Variants in CES5A observed in about 807,000 individuals in gnomAD.
CES5A encodes carboxylesterase 5A.
CES5A carries 67 observed loss-of-function variants against 62.9 expected under a neutral mutation model. That is an observed-to-expected ratio of 1.07 (90% CI 0.88 to 1.31). CES5A has a LOEUF of 1.31. Ranked by LOEUF, CES5A falls within the 50% of genes most tolerant of loss-of-function variation. The pLI, the probability that CES5A is intolerant of heterozygous loss-of-function variation, is 0.00. For synonymous variants in CES5A, 296 were observed against 280.8 expected, an observed-to-expected ratio of 1.05 and a Z score of -0.54; for missense variants, 748 against 708.5, an observed-to-expected ratio of 1.06 and a Z score of -0.63.
At chr16:55,912,474 A>G (rs891460863) in intron 1 of CES5A, among the ~76,000 whole-genome samples, 3 of 152,090 alleles carry the variant, frequency 2.0e-5, no homozygotes, top group Non-Finnish European at 4.4e-5. Context: ...GAAAGTTGTC[A>G]TGGAGGAGAA....
chr16:55,941,141 C>T (rs535840318), intron 2 of CES5A, among the ~76,000 whole-genome samples: 1 of 152,002 alleles, frequency 6.6e-6, no homozygotes, highest in Admixed American at 6.6e-5. Context: ...ACAGGAAGTC[C>T]TAGCTATTTG....
chr16:55,855,582 C>T (rs564049763), intron 9 of CES5A, among the ~76,000 whole-genome samples: 1 of 152,150 alleles, frequency 6.6e-6, no homozygotes, highest in Non-Finnish European at 1.5e-5. Context: ...ACCTATGCTG[C>T]GTGTTATGAC....
At chr16:55,906,421 C>A (rs1289830375) in intron 1 of CES5A, among the ~76,000 whole-genome samples, 1 of 152,166 alleles carries the variant, frequency 6.6e-6, no homozygotes, top group African/African-American at 2.4e-5. Context: ...CACAGAGGAG[C>A]CAAGCCAGGG....
chr16:55,870,146 G>A (rs144289123), intron 3 of CES5A, among the ~76,000 whole-genome samples: 6 of 152,272 alleles, frequency 3.9e-5, no homozygotes, highest in Non-Finnish European at 8.8e-5. Flanking sequence ...CTAAATACCA[G>A]TGAGCCTGTG....
intron 4 of CES5A, among the ~76,000 whole-genome samples, chr16:55,866,572 C>T (rs1165353512): frequency 1.3e-5 from 2 of 150,732 alleles, no homozygotes; most frequent in African/African-American, 4.9e-5. Context: ...CCTGTAATCC[C>T]AGCACTTTGG....
At chr16:55,929,493 C>T (rs2034288699), upstream of CES5A, among the ~76,000 whole-genome samples, 1 of 152,158 alleles carries the variant, frequency 6.6e-6, no homozygotes, top group African/African-American at 2.4e-5. Flanking sequence ...TCCACACTGG[C>T]CCCTCTGCGC....
intron 10 of CES5A, among the ~76,000 whole-genome samples, 195 bp downstream of exon 10, chr16:55,852,686 C>A (rs1319451306): frequency 6.6e-6 from 1 of 152,194 alleles, no homozygotes; most frequent in Non-Finnish European, 1.5e-5. Flanking sequence ...AACAACTGAT[C>A]AACATCCCCA....
At chr16:55,899,317 G>A (rs2033965919) in intron 1 of CES5A, among the ~76,000 whole-genome samples, 1 of 152,162 alleles carries the variant, frequency 6.6e-6, no homozygotes, top group East Asian at 1.9e-4. Context: ...AGGCTTCCTG[G>A]ATAAGGTTTC....
intron 1 of CES5A, among the ~76,000 whole-genome samples, chr16:55,874,532 T>C (rs956267189): frequency 1.3e-5 from 2 of 152,158 alleles, no homozygotes; most frequent in Admixed American, 6.5e-5. Context: ...AAATTTTACC[T>C]AGAAGAATTC....
At chr16:55,878,474 T>G (rs2033721498), upstream of CES5A, among the ~76,000 whole-genome samples, 2 of 151,934 alleles carry the variant, frequency 1.3e-5, no homozygotes, top group Admixed American at 1.3e-4. Context: ...ACATTCATAT[T>G]AAACCCAAAC....
chr16:55,903,913 C>A (rs901384544), intron 1 of CES5A, among the ~76,000 whole-genome samples: 3 of 152,184 alleles, frequency 2.0e-5, no homozygotes, highest in Non-Finnish European at 4.4e-5. Context: ...GAAATATTTA[C>A]AACCAGATGG....
At chr16:55,954,003 T>G (rs2142490492) in intron 1 of CES5A, among the ~76,000 whole-genome samples, 1 of 152,318 alleles carries the variant, frequency 6.6e-6, no homozygotes, top group Admixed American at 6.5e-5. Context: ...TTTAACTATA[T>G]TTTTGCACCC....
At chr16:55,887,382 C>CAAAAAA (rs202239600) in intron 1 of CES5A, among the ~76,000 whole-genome samples, 1 of 91,232 alleles carries the variant, frequency 1.1e-5, no homozygotes, top group Non-Finnish European at 2.1e-5. Flanking sequence ...GGACCAGAGG[C>CAAAAAA]AAAAAAAAAA....
At chr16:55,921,256 G>C (rs1383895983) in intron 1 of CES5A, among the ~76,000 whole-genome samples, 1 of 152,050 alleles carries the variant, frequency 6.6e-6, no homozygotes, top group Non-Finnish European at 1.5e-5. Flanking sequence ...CTAGGTATAG[G>C]AAGATCAGAG....
chr16:55,854,698 A>AT (rs1166934258), intron 9 of CES5A, among the ~76,000 whole-genome samples: 1 of 149,322 alleles, frequency 6.7e-6, no homozygotes, highest in Non-Finnish European at 1.5e-5. Context: ...GGCCTGGCTA[A>AT]TTTTTTTATT....
At position 55,846,604 on chromosome 16, in the gene CES5A, C is replaced by G; in HGVS notation, c.1575G>C (p.Met525Ile). ...TEQYLQLDLN[M>I]SLGQRLKEPR... ...GTTCTTTGAGTCTCTGTCCGAGGCTCATGTTCAAGTCCAGCTGGAGGTACT... is the reference window on the plus strand; with the variant it reads ...GTTCTTTGAGTCTCTGTCCGAGGCTGATGTTCAAGTCCAGCTGGAGGTACT... Residue 525 changes from methionine (M) to isoleucine (I), a missense_variant, in exon 13 of 13, where the codon ATG (methionine) becomes ATC (isoleucine). Coordinates refer to ENST00000290567, the MANE Select transcript of CES5A (RefSeq NM_001143685.2). 6.2e-7 allele frequency: 1 copy of G among 1,614,152 alleles called. No homozygotes were observed.
At chr16:55,862,979 A>C (rs1487905161) in intron 6 of CES5A, among the ~76,000 whole-genome samples, 1 of 152,242 alleles carries the variant, frequency 6.6e-6, no homozygotes, top group Non-Finnish European at 1.5e-5. Flanking sequence ...AGCTGGAAAC[A>C]GCCTCTGAAT....
intron 1 of CES5A, among the ~76,000 whole-genome samples, chr16:55,919,284 G>A (rs2034177802): frequency 6.6e-6 from 1 of 152,252 alleles, no homozygotes; most frequent in Non-Finnish European, 1.5e-5. Flanking sequence ...AACATATGAA[G>A]ACATATAGTC....
Position 55,859,574 on chromosome 16 carries a change from G to T in CES5A, c.1029C>A (p.Asn343Lys), listed in dbSNP as rs541633228. 1.9e-6 allele frequency: 3 copies of T among 1,613,508 alleles called. No homozygotes were observed. The highest frequency in any genetic ancestry group is 1.7e-5 in the Admixed American group (1 of 59,942). The change falls in exon 8 of 13, where the codon AAC becomes AAA. Residue 343 changes from asparagine to lysine, a missense_variant. Physicochemically the swap from Asn to Lys is moderately conservative, Grantham distance 94. Coordinates refer to ENST00000290567, the MANE Select transcript of CES5A (RefSeq NM_001143685.2). ...KAIPSIIGVN[N>K]HECGFLLPMK... ...TAGGCAGCAGGAAGCCACACTCGTG[G>T]TTATTGACTCCGATGATGGAAGGAA...
Sources: allele counts gnomAD v4.1 joint callset (sites outside exome capture counted in the v4.1 genomes callset), GRCh38; gene constraint gnomAD v4.1.1; transcripts MANE v1.5; gene names NCBI Gene and HGNC (gene_info 2026-07-23, HGNC 2026-07-21).